Variants in TNPO3 observed in about 807,000 individuals in gnomAD.
TNPO3 encodes the protein transportin-3.
A neutral mutation model predicts 122.8 loss-of-function variants in TNPO3; 65 were observed. That is an observed-to-expected ratio of 0.53 (90% CI 0.43 to 0.65). The LOEUF is 0.65. Among genes scored for constraint, TNPO3 ranks in the 30% least tolerant of loss-of-function variants. The pLI, the probability that TNPO3 is intolerant of heterozygous loss-of-function variation, is 0.00. For missense variants in TNPO3, 850 were observed against 1,136.7 expected (o/e 0.75, Z 3.63); for synonymous variants, 372 against 411.2 (o/e 0.90, Z 1.15).
At chr7:129,047,081 A>C (rs138073510) in intron 1 of TNPO3, among the ~76,000 whole-genome samples, 385 of 152,354 alleles carry the variant, frequency 2.5e-3, no homozygotes, top group African/African-American at 8.8e-3. Context: ...AACTTAGTCT[A>C]TCAAAGCATG....
chr7:129,008,516 A>C (rs987494465), intron 4 of TNPO3, among the ~76,000 whole-genome samples: 36 of 152,132 alleles, frequency 2.4e-4, no homozygotes, highest in African/African-American at 8.0e-4. Flanking sequence ...GAAAATATTC[A>C]GGGATGCCAG....
intron 12 of TNPO3, among the ~76,000 whole-genome samples, chr7:128,985,349 C>T (rs373512384): frequency 2.0e-5 from 3 of 152,190 alleles, no homozygotes; most frequent in Admixed American, 1.3e-4. Flanking sequence ...TATCTCAGCA[C>T]TTTGGGAGGC....
intron 21 of TNPO3, among the ~76,000 whole-genome samples, chr7:128,960,501 G>T (rs1260265720): frequency 6.6e-6 from 1 of 151,638 alleles, no homozygotes; most frequent in Non-Finnish European, 1.5e-5. Context: ...TGATATTGAT[G>T]ATCTTGACCC....
intron 11 of TNPO3, among the ~76,000 whole-genome samples, chr7:128,988,204 G>C (rs1247081859): frequency 2.0e-5 from 3 of 152,034 alleles, no homozygotes; most frequent in African/African-American, 7.2e-5. Flanking sequence ...TCGAACTCTT[G>C]AACTCAGATG....
chr7:128,995,595 A>G (rs1288063759), intron 8 of TNPO3, among the ~76,000 whole-genome samples: 1 of 152,266 alleles, frequency 6.6e-6, no homozygotes, highest in African/African-American at 2.4e-5. Context: ...CCACAGAATT[A>G]GCAAAGGCAA....
intron 1 of TNPO3, among the ~76,000 whole-genome samples, chr7:129,028,219 T>C (rs916915984): frequency 6.6e-6 from 1 of 152,222 alleles, no homozygotes; most frequent in Non-Finnish European, 1.5e-5. Context: ...TCTGTGTTTA[T>C]GTTTAGAAAA....
At position 129,016,283 on chromosome 7, in the gene TNPO3, G is replaced by A. The variant is rs779627001; in HGVS notation, c.395+700C>T. On this transcript the variant is annotated intron_variant, in intron 3 of 22. Coordinates refer to ENST00000265388, the MANE Select transcript of TNPO3 (RefSeq NM_012470.4). Reference sequence around the variant, plus strand: ...GTAGCACATGCCTGTAATCTCAGCCGCCTGGGAGGCTGAGACAGGAGAATC... The same window carrying A: ...GTAGCACATGCCTGTAATCTCAGCCACCTGGGAGGCTGAGACAGGAGAATC... Among the ~76,000 whole-genome samples, 13 of 152,076 alleles carry A rather than the reference G, an allele frequency of 8.5e-5. No individual in the cohort carries two copies. The South Asian group carries it at 1.5e-3, about 17-fold the overall frequency.
chr7:129,045,567 A>C (rs538349985), intron 1 of TNPO3, among the ~76,000 whole-genome samples: 10 of 151,922 alleles, frequency 6.6e-5, no homozygotes, highest in African/African-American at 2.2e-4. Context: ...AAAAATCTAT[A>C]AAACCTACTT....
At chr7:129,048,899 T>C (rs892820862) in intron 1 of TNPO3, among the ~76,000 whole-genome samples, 2 of 152,228 alleles carry the variant, frequency 1.3e-5, no homozygotes, top group South Asian at 2.1e-4. Flanking sequence ...TCTTCAACTA[T>C]GGGTATTGGA....
chr7:128,962,668 T>A (rs1233465846), intron 21 of TNPO3, among the ~76,000 whole-genome samples: 1 of 152,212 alleles, frequency 6.6e-6, no homozygotes, highest in Non-Finnish European at 1.5e-5. Flanking sequence ...CATTAGCTCT[T>A]ACTTCTGTTC....
intron 8 of TNPO3, among the ~76,000 whole-genome samples, chr7:128,994,926 G>A (rs755053798): frequency 1.2e-4 from 18 of 152,062 alleles, no homozygotes; most frequent in East Asian, 1.9e-4. Flanking sequence ...CCAAAGTTCC[G>A]GGATTATAGG....
At position 128,974,852 on chromosome 7, in the gene TNPO3, C is replaced by G; in HGVS notation, c.2273+16G>C. ...AGGATGAGCAATTAAGAAATGGGCT[C>G]TTCAGAAGGATTTACCTGGTGGCTA... On this transcript the variant is annotated intron_variant, in intron 18 of 22. Transcript: ENST00000265388. 1 of 1,607,014 alleles carries G rather than the reference C, an allele frequency of 6.2e-7. No homozygotes were observed. The highest frequency in any genetic ancestry group is 8.5e-7 in the Non-Finnish European group (1 of 1,173,508).
At chr7:128,999,643 G>A (rs1469937475) in intron 7 of TNPO3, among the ~76,000 whole-genome samples, 2 of 145,496 alleles carry the variant, frequency 1.4e-5, no homozygotes, top group African/African-American at 2.6e-5. Flanking sequence ...ACGGAGTTTC[G>A]CTCGTCTCCC....
At chr7:129,011,881 T>C (rs1485182778) in intron 4 of TNPO3, among the ~76,000 whole-genome samples, 1 of 152,208 alleles carries the variant, frequency 6.6e-6, no homozygotes, top group Non-Finnish European at 1.5e-5. Flanking sequence ...TTGAGTGAAA[T>C]TTGCTGTACA....
At chr7:129,009,509 A>C (rs1379561207) in intron 4 of TNPO3, among the ~76,000 whole-genome samples, 1 of 152,186 alleles carries the variant, frequency 6.6e-6, no homozygotes, top group Non-Finnish European at 1.5e-5. Flanking sequence ...ATTTTTAAGC[A>C]CCACAGGAAA....
At chr7:129,035,441 C>T (rs763093446) in intron 1 of TNPO3, among the ~76,000 whole-genome samples, 1 of 151,918 alleles carries the variant, frequency 6.6e-6, no homozygotes, top group African/African-American at 2.4e-5. Context: ...CGTCTCTACA[C>T]AAAAAAGAAA....
chr7:129,024,152 T>A (rs1352935060), intron 1 of TNPO3, among the ~76,000 whole-genome samples: 1 of 152,230 alleles, frequency 6.6e-6, no homozygotes, highest in Non-Finnish European at 1.5e-5. Flanking sequence ...TTGGAGCTTC[T>A]GCCTTGGTAT....
chr7:128,980,192 A>T (rs568047798), intron 14 of TNPO3, among the ~76,000 whole-genome samples, 161 bp from the exon 15 acceptor site: 2 of 152,356 alleles, frequency 1.3e-5, no homozygotes, highest in East Asian at 3.9e-4. Context: ...ACATCCTTTA[A>T]ATCATCCTAT....
chr7:129,011,989 TTTTC>T (rs1429216989), intron 4 of TNPO3, among the ~76,000 whole-genome samples: 3 of 150,796 alleles, frequency 2.0e-5, no homozygotes, highest in Non-Finnish European at 4.4e-5. Flanking sequence ...TGAATTTCTT[TTTTC>T]TTTTTCTTTC....
Sources: allele counts gnomAD v4.1 joint callset (sites outside exome capture counted in the v4.1 genomes callset), GRCh38; gene constraint gnomAD v4.1.1; transcripts MANE v1.5; gene names NCBI Gene and HGNC (gene_info 2026-07-23, HGNC 2026-07-21).